NIPA2: variants seen among roughly 807,000 people sequenced by gnomAD.
NIPA2 encodes the protein magnesium transporter NIPA2.
Under a neutral mutation model 29.7 loss-of-function variants are expected in NIPA2, and 11 were observed. That is an observed-to-expected ratio of 0.37 (90% CI 0.23 to 0.61). The LOEUF (loss-of-function observed/expected upper bound fraction) is 0.61. Ranked by LOEUF, NIPA2 falls within the 20% of genes least tolerant of loss-of-function variation. NIPA2 has a pLI of 0.66. For missense variants in NIPA2, 426 were observed against 437.9 expected (o/e 0.97, Z 0.24); for synonymous variants, 183 against 161.9 (o/e 1.13, Z -0.99).
At chr15:22,839,487 G>T (rs1403417765) in intron 1 of NIPA2, among the ~76,000 whole-genome samples, 168 bp from the exon 2 acceptor site, 3 of 152,134 alleles carry the variant, frequency 2.0e-5, no homozygotes, top group African/African-American at 7.2e-5. Context: ...TATCAGAGTC[G>T]AGAGTTTCCA....
chr15:22,851,761 C>A lies in NIPA2; in HGVS notation c.30C>A (p.Phe10Leu), dbSNP rs2057758121. The A allele has an allele frequency of 6.2e-7, 1 of 1,613,052 alleles. No homozygotes were observed. The highest frequency in any genetic ancestry group is 8.5e-7 in the Non-Finnish European group (1 of 1,179,596). ...GCCAGGGGCGTGGAAAATATGACTT[C>A]TATATTGGTCTGGGATTGGCTATGA... MSQGRGKYDFYIGLGLAMSS... is the reference protein window; with the variant it reads MSQGRGKYDLYIGLGLAMSS... Residue 10 changes from phenylalanine (F) to leucine (L), a missense_variant, in exon 4 of 8, where the codon TTC (phenylalanine) becomes TTA (leucine). By Grantham distance (22) the Phe-to-Leu change is conservative. Around this residue, in one of 3 missense-constraint regions of NIPA2, gnomAD observed 57 missense variants for 66.6 expected, o/e 0.86. Transcript: ENST00000337451.
intron 6 of NIPA2, among the ~76,000 whole-genome samples, chr15:22,860,352 A>G (rs2058534175): frequency 6.6e-6 from 1 of 152,200 alleles, no homozygotes; most frequent in African/African-American, 2.4e-5. Flanking sequence ...ATATAAATGT[A>G]TACAAATTTG....
chr15:22,855,554 T>C (rs1245470509), intron 5 of NIPA2, among the ~76,000 whole-genome samples: 1 of 152,014 alleles, frequency 6.6e-6, no homozygotes. Context: ...CTGAAAAATC[T>C]CCACCCACAT....
chr15:22,852,403 CCT>C (rs1263691838), intron 4 of NIPA2, among the ~76,000 whole-genome samples: 1 of 149,980 alleles, frequency 6.7e-6, no homozygotes, highest in Admixed American at 6.8e-5. Context: ...GAGGCAGAAA[CCT>C]CTGCAGTGAG....
rs1264325924 is a variant in NIPA2 at position 22,849,911 on chromosome 15, G to C, written c.-93-1728G>C. 2.0e-5 allele frequency among the ~76,000 whole-genome samples: 3 copies of C among 151,910 alleles called. 1 individual carries two copies. The highest frequency in any genetic ancestry group is 4.4e-5 in the Non-Finnish European group (3 of 67,968). On this transcript the variant is annotated intron_variant, in intron 3 of 7. Coordinates refer to ENST00000337451, the MANE Select transcript of NIPA2 (RefSeq NM_030922.7). ...TAGGTTGTGGGGTGACCTGGCTTTT[G>C]GGACTTGCTGGTGGTTTCTACCTTG...
chr15:22,841,653 C>T (rs543909665), intron 2 of NIPA2, among the ~76,000 whole-genome samples: 2 of 152,122 alleles, frequency 1.3e-5, no homozygotes, highest in Admixed American at 1.3e-4. Context: ...GGATTACAGG[C>T]GCCCGCCACC....
chr15:22,858,686 T>C (rs1770778730), intron 6 of NIPA2, 56 bp downstream of exon 6: 2 of 1,042,568 alleles, frequency 1.9e-6, no homozygotes, highest in Non-Finnish European at 1.4e-6. Flanking sequence ...TTCTAAAATA[T>C]TCAGTACCAT....
intron 5 of NIPA2, among the ~76,000 whole-genome samples, chr15:22,857,656 G>C (rs1002660993): frequency 6.6e-6 from 1 of 151,670 alleles, no homozygotes; most frequent in Non-Finnish European, 1.5e-5. Context: ...GGTCAACATG[G>C]TGAAACCCCG....
chr15:22,844,563 AAG>A (rs1898091037), intron 2 of NIPA2, among the ~76,000 whole-genome samples: 1 of 151,992 alleles, frequency 6.6e-6, no homozygotes, highest in Non-Finnish European at 1.5e-5. Context: ...CAAAAAAAAA[AAG>A]AGTTTGTTAA....
rs1355763038 is a variant in NIPA2 at position 22,860,771 on chromosome 15, C to T, written c.430C>T (p.His144Tyr). ...GATTGAGACTTTAAATGAAATGTCTCACAAGCTAGGTGATCCAGGTAAGAA... is the reference window on the plus strand; with the variant it reads ...GATTGAGACTTTAAATGAAATGTCTTACAAGCTAGGTGATCCAGGTAAGAA... ...EEIETLNEMS[H>Y]KLGDPGFVVF... is the part of the protein sequence containing the mutation. The change falls in exon 7 of 8, where the codon CAC becomes TAC. Residue 144 changes from histidine to tyrosine, a missense_variant. His to Tyr is a moderately conservative substitution (Grantham distance 83). This residue lies in a region of NIPA2 where 357 missense variants were observed against 339.8 expected (regional missense o/e 1.05). Transcript: ENST00000337451. 5 of 1,596,576 alleles carry T rather than the reference C, an allele frequency of 3.1e-6. No individual in the cohort carries two copies. Among genetic ancestry groups the T allele is most frequent in the African/African-American group, 2.7e-5 (2 of 74,078 alleles).
Position 22,867,687 on chromosome 15 carries a change from A to AAAG in NIPA2, c.*840_*841insAAG, listed in dbSNP as rs35420735. On this transcript the variant is annotated 3_prime_UTR_variant, in exon 8 of 8. Coordinates refer to ENST00000337451, the MANE Select transcript of NIPA2 (RefSeq NM_030922.7). ...ATAGAAGACTAGGGTTGTTTCTTAAATTTAGCTCATGTTATAATAAAAAGT... is the reference window on the plus strand; with the variant it reads ...ATAGAAGACTAGGGTTGTTTCTTAAAAAGTTTAGCTCATGTTATAATAAAAAGT... 1 of 152,468 alleles carries AAAG rather than the reference A, an allele frequency of 6.6e-6. No homozygotes were observed. The highest frequency in any genetic ancestry group is 6.5e-5 in the Admixed American group (1 of 15,268). The allele number at this position is 152,468 out of a possible 1,614,324, so 9.4% of individuals were successfully genotyped here. A position where few individuals can be genotyped will look rare whatever the true frequency, so the allele number is the denominator to read the frequency against.
rs1438284039 is a variant in NIPA2 at position 22,864,788 on chromosome 15, G to C, written c.449-1425G>C. 1.3e-5 allele frequency among the ~76,000 whole-genome samples: 2 copies of C among 152,180 alleles called. 1 individual carries two copies. Among genetic ancestry groups the C allele is most frequent in the African/African-American group, 4.8e-5 (2 of 41,444 alleles). On this transcript the variant is annotated intron_variant, in intron 7 of 7. Transcript: ENST00000337451. ...ATCTTTTATCACAGCGGATGTGTAG[G>C]ATTCCGCTTTCTTGGATCTCTGTAC... is the stretch of plus-strand genomic sequence containing the variant.
At chr15:22,853,536 A>G (rs912484112) in intron 5 of NIPA2, among the ~76,000 whole-genome samples, 1 of 151,670 alleles carries the variant, frequency 6.6e-6, no homozygotes, top group Non-Finnish European at 1.5e-5. Flanking sequence ...CACCACGCCC[A>G]GCTAATTTTT....
At chr15:22,854,933 A>T (rs1231316697) in intron 5 of NIPA2, among the ~76,000 whole-genome samples, 1 of 152,118 alleles carries the variant, frequency 6.6e-6, no homozygotes, top group East Asian at 1.9e-4. Context: ...GTGCATTTTT[A>T]AAATTTCTGC....
chr15:22,851,924 C>G, intron 4 of NIPA2, 54 bp downstream of exon 4: 6 of 1,490,064 alleles, frequency 4.0e-6, no homozygotes, highest in Non-Finnish European at 5.5e-6. Context: ...CCTACATGCA[C>G]AGGTTCTTTG....
intron 3 of NIPA2, among the ~76,000 whole-genome samples, chr15:22,849,418 A>T (rs2057547002): frequency 6.6e-6 from 1 of 151,450 alleles, no homozygotes; most frequent in African/African-American, 2.5e-5. Context: ...GCACAGAGGG[A>T]CTAGGGGTAC....
intron 7 of NIPA2, among the ~76,000 whole-genome samples, chr15:22,862,336 C>T (rs4778408): frequency 0.017 from 2,592 of 152,236 alleles, 239 homozygotes; most frequent in Admixed American, 0.15. Context: ...GTGTGAGCTA[C>T]TGTGCCTGGC....
In NIPA2 at chr15:22,845,761, G is replaced by A. The variant is rs149539787; in HGVS notation, c.-94+494G>A. On this transcript the variant is annotated intron_variant, in intron 3 of 7. Transcript: ENST00000337451. Reference sequence around the variant, plus strand: ...GAAATGAAGTGGGCAGGAGAGGGGTGCCTGGCCAGGGGGACTCTCGAAAGC... The same window carrying A: ...GAAATGAAGTGGGCAGGAGAGGGGTACCTGGCCAGGGGGACTCTCGAAAGC... Among the ~76,000 whole-genome samples, 109 of 152,166 alleles carry A rather than the reference G, an allele frequency of 7.2e-4. 2 individuals carry two copies. The highest frequency in any genetic ancestry group is 2.6e-3 in the African/African-American group (108 of 41,514).
At chr15:22,858,501 A>T in intron 5 of NIPA2, 39 bp from the exon 6 acceptor site, 1 of 1,394,054 alleles carries the variant, frequency 7.2e-7, no homozygotes, top group African/African-American at 1.4e-5. Context: ...GAGTACATAC[A>T]TTCTTACCTG....
Sources: allele counts gnomAD v4.1 joint callset (sites outside exome capture counted in the v4.1 genomes callset), GRCh38; gene constraint gnomAD v4.1.1; regional missense constraint gnomAD v4.1.1; transcripts MANE v1.5; gene names NCBI Gene and HGNC (gene_info 2026-07-23, HGNC 2026-07-21).